Variants in CACNB2 observed in about 807,000 individuals in gnomAD.
CACNB2 encodes the protein voltage-dependent L-type calcium channel subunit beta-2.
Under a neutral mutation model 73.3 loss-of-function variants are expected in CACNB2, and 42 were observed. That is an observed-to-expected ratio of 0.57 (90% confidence interval 0.45 to 0.74). The LOEUF (loss-of-function observed/expected upper bound fraction) is 0.74, where lower values mean the gene tolerates loss of function less well. Among genes scored for constraint, CACNB2 ranks in the 30% least tolerant of loss-of-function variants. The probability of loss-of-function intolerance (pLI) is 0.00; values close to 1 mark genes in which losing one functional copy is unlikely to be tolerated. For synonymous variants in CACNB2, 348 were observed against 310.3 expected (o/e 1.12, Z -1.28); for missense variants, 940 against 853.0 (o/e 1.10, Z -1.27).
In CACNB2 at chr10:18,539,960, T is replaced by C; in HGVS notation, c.*236T>C. On this transcript the variant is annotated 3_prime_UTR_variant, in exon 14 of 14. Coordinates refer to ENST00000324631, the MANE Select transcript of CACNB2 (RefSeq NM_201596.3). ...TGGCTGCAGTCCTCCGGTTGCATAC[T>C]GGACTCTTCAAAAACTGTTTTGGGT... 2.2e-6 allele frequency: 1 copy of C among 462,982 alleles called. No homozygotes were observed. The highest frequency in any genetic ancestry group is 2.6e-5 in the South Asian group (1 of 38,720). The allele number at this position is 462,982 out of a possible 1,614,324, so 28.7% of individuals were successfully genotyped here.
At chr10:18,254,548 A>G (rs1183265076) in intron 2 of CACNB2, among the ~76,000 whole-genome samples, 1 of 152,212 alleles carries the variant, frequency 6.6e-6, no homozygotes, top group Non-Finnish European at 1.5e-5. Context: ...CTGAAAAACA[A>G]AACAAAAACC....
At chr10:18,503,573 G>A (rs2050325193) in intron 5 of CACNB2, among the ~76,000 whole-genome samples, 2 of 152,154 alleles carry the variant, frequency 1.3e-5, no homozygotes, top group East Asian at 3.9e-4. Flanking sequence ...GGGCGTCAGT[G>A]AAACTCTGTC....
chr10:18,374,006 T>C (rs2042691985), intron 2 of CACNB2, among the ~76,000 whole-genome samples: 1 of 152,228 alleles, frequency 6.6e-6, no homozygotes, highest in Non-Finnish European at 1.5e-5. Flanking sequence ...CACACTCCCA[T>C]ATTGCATTGT....
chr10:18,229,833 A>T (rs888176238), intron 2 of CACNB2, among the ~76,000 whole-genome samples: 1 of 152,228 alleles, frequency 6.6e-6, no homozygotes, highest in Non-Finnish European at 1.5e-5. Context: ...GTAGTTAAAT[A>T]GATTCAAATT....
At chr10:18,456,987 C>T (rs1038541838) in intron 3 of CACNB2, among the ~76,000 whole-genome samples, 1 of 152,136 alleles carries the variant, frequency 6.6e-6, no homozygotes, top group African/African-American at 2.4e-5. Flanking sequence ...CCCTTCAGAC[C>T]TCTGCCTTCT....
At chr10:18,242,858 AC>A (rs1240917121) in intron 2 of CACNB2, among the ~76,000 whole-genome samples, 21 of 151,592 alleles carry the variant, frequency 1.4e-4, no homozygotes, top group Non-Finnish European at 2.8e-4. Flanking sequence ...AAACAAAAAA[AC>A]ATTAGCCGGG....
chr10:18,273,240 G>A (rs2038132661), intron 2 of CACNB2, among the ~76,000 whole-genome samples: 1 of 152,050 alleles, frequency 6.6e-6, no homozygotes, highest in Non-Finnish European at 1.5e-5. Context: ...GGATCAGAGT[G>A]ACCTGGCTTG....
At chr10:18,391,987 G>A (rs1165911672) in intron 2 of CACNB2, among the ~76,000 whole-genome samples, 5 of 150,912 alleles carry the variant, frequency 3.3e-5, no homozygotes, top group Non-Finnish European at 5.9e-5. Context: ...AACAGGGTAA[G>A]TGAGATTGGA....
At chr10:18,347,322 C>T (rs973736131) in intron 2 of CACNB2, among the ~76,000 whole-genome samples, 14 of 149,456 alleles carry the variant, frequency 9.4e-5, no homozygotes, top group Admixed American at 3.3e-4. Flanking sequence ...GGACTACAGG[C>T]GCATGCCGCC....
chr10:18,442,936 ATATATGTG>A (rs2046498083), intron 3 of CACNB2, among the ~76,000 whole-genome samples: 7 of 29,664 alleles, frequency 2.4e-4, no homozygotes, highest in South Asian at 3.0e-3. Context: ...GTATATATAT[ATATATGTG>A]TATATATATA....
At chr10:18,178,991 A>G (rs868187766) in intron 2 of CACNB2, among the ~76,000 whole-genome samples, 1 of 152,148 alleles carries the variant, frequency 6.6e-6, no homozygotes, top group African/African-American at 2.4e-5. Context: ...CTCTTTTTTT[A>G]AAGAGGCAGA....
At chr10:18,373,162 C>T (rs915792717) in intron 2 of CACNB2, among the ~76,000 whole-genome samples, 1 of 152,094 alleles carries the variant, frequency 6.6e-6, no homozygotes, top group Non-Finnish European at 1.5e-5. Flanking sequence ...GCTGCACTGT[C>T]AGGAGGTTGT....
intron 3 of CACNB2, among the ~76,000 whole-genome samples, chr10:18,481,182 T>G: frequency 8.7e-6 from 1 of 114,560 alleles, no homozygotes; most frequent in Non-Finnish European, 1.7e-5. Context: ...CTGATAATAT[T>G]ACATCTTCGC....
intron 3 of CACNB2, among the ~76,000 whole-genome samples, chr10:18,424,579 C>T (rs554813175): frequency 1.3e-5 from 2 of 152,162 alleles, no homozygotes; most frequent in Non-Finnish European, 2.9e-5. Flanking sequence ...CCTACCTCAA[C>T]CCCCTCTATC....
chr10:18,379,928 C>G (rs1040458005), intron 2 of CACNB2, among the ~76,000 whole-genome samples: 1 of 152,170 alleles, frequency 6.6e-6, no homozygotes, highest in African/African-American at 2.4e-5. Context: ...CTCAAGCAAT[C>G]CTCCTGTCTT....
At chr10:18,357,230 A>G (rs2041959522) in intron 2 of CACNB2, among the ~76,000 whole-genome samples, 1 of 152,070 alleles carries the variant, frequency 6.6e-6, no homozygotes, top group Non-Finnish European at 1.5e-5. Flanking sequence ...GGCGTGAGCC[A>G]CCGCGCCCGG....
intron 2 of CACNB2, among the ~76,000 whole-genome samples, chr10:18,229,593 G>T (rs1362764112): frequency 1.3e-5 from 2 of 152,118 alleles, no homozygotes; most frequent in Non-Finnish European, 2.9e-5. Context: ...TTAGCAGCAT[G>T]AAAAATGTAT....
At chr10:18,222,967 C>A (rs1357532336) in intron 2 of CACNB2, among the ~76,000 whole-genome samples, 2 of 152,066 alleles carry the variant, frequency 1.3e-5, no homozygotes, top group African/African-American at 4.8e-5. Context: ...TGAAACTTGC[C>A]TCAAAAGTAA....
In CACNB2 at chr10:18,256,149, C is replaced by T. The variant is rs549904511; in HGVS notation, c.213+105174C>T. ...TTTTTGTCATTGAGCCTCTTCTTAA[C>T]GCTTTTCAATATTTTGCTTTTAAGA... On this transcript the variant is annotated intron_variant, in intron 2 of 13. Transcript: ENST00000324631. Among the ~76,000 whole-genome samples, 22 of 152,112 alleles carry T rather than the reference C, an allele frequency of 1.4e-4. 1 individual carries two copies. Among genetic ancestry groups the T allele is most frequent in the South Asian group, 1.0e-3 (5 of 4,814 alleles).
Sources: allele counts gnomAD v4.1 joint callset (sites outside exome capture counted in the v4.1 genomes callset), GRCh38; gene constraint gnomAD v4.1.1; transcripts MANE v1.5; gene names NCBI Gene and HGNC (gene_info 2026-07-23, HGNC 2026-07-21).